ZNF385D: variants seen among roughly 807,000 people sequenced by gnomAD.
ZNF385D encodes zinc finger protein 659.
ZNF385D carries 15 observed loss-of-function variants against 35.8 expected under a neutral mutation model. That is an observed-to-expected ratio of 0.42 (90% CI 0.28 to 0.64). The LOEUF is 0.64. ZNF385D is among the 30% of genes least tolerant of loss of function. The probability of loss-of-function intolerance (pLI) is 0.23; values close to 1 mark genes in which losing one functional copy is unlikely to be tolerated. For missense variants in ZNF385D, 474 were observed against 494.6 expected (o/e 0.96, Z 0.39); for synonymous variants, 212 against 186.8 (o/e 1.13, Z -1.10).
At position 21,817,318 on chromosome 3, in the gene ZNF385D, G is replaced by C. The variant is rs2073195971; in HGVS notation, c.326-152290C>G. 2.0e-5 allele frequency among the ~76,000 whole-genome samples: 3 copies of C among 152,276 alleles called. No individual in the cohort carries two copies. In the South Asian group the frequency reaches 6.2e-4, roughly 32 times the overall value. On this transcript the variant is annotated intron_variant, in intron 3 of 5. Transcript: ENST00000494108. ...AACACCAAAAGCAATGGCAACAAAA[G>C]CCAAAATAGACAAATGGGATCTAAT...
chr3:21,889,343 G>T (rs1464783308), intron 3 of ZNF385D, among the ~76,000 whole-genome samples: 1 of 152,170 alleles, frequency 6.6e-6, no homozygotes, highest in South Asian at 2.1e-4. Context: ...GATGGGGGAG[G>T]TGAGGCGCCA....
At chr3:21,854,304 C>G (rs929766382) in intron 3 of ZNF385D, among the ~76,000 whole-genome samples, 4 of 152,076 alleles carry the variant, frequency 2.6e-5, no homozygotes, top group Admixed American at 6.6e-5. Context: ...CCCACCTCCA[C>G]TTATTTACAT....
At chr3:22,324,196 T>A (rs1301191817) in intron 2 of ZNF385D, among the ~76,000 whole-genome samples, 3 of 152,176 alleles carry the variant, frequency 2.0e-5, no homozygotes, top group African/African-American at 7.2e-5. Flanking sequence ...ATTTTGGTGC[T>A]CCTAATAGGA....
chr3:22,130,854 G>A (rs1192023975), intron 3 of ZNF385D, among the ~76,000 whole-genome samples: 2 of 152,012 alleles, frequency 1.3e-5, no homozygotes, highest in Non-Finnish European at 2.9e-5. Flanking sequence ...TTCCTTTGGG[G>A]GAACAATCAT....
intron 3 of ZNF385D, among the ~76,000 whole-genome samples, chr3:21,999,145 G>A (rs1241810771): frequency 6.6e-6 from 1 of 152,142 alleles, no homozygotes; most frequent in African/African-American, 2.4e-5. Context: ...TCACAGAACT[G>A]CAGCATTTCC....
chr3:21,642,467 C>T (rs1413662636), intron 2 of ZNF385D, among the ~76,000 whole-genome samples: 1 of 151,982 alleles, frequency 6.6e-6, no homozygotes, highest in Non-Finnish European at 1.5e-5. Context: ...CTCAGCTCTC[C>T]TTTTAGGCAA....
At chr3:22,038,534 T>G (rs1167049329) in intron 3 of ZNF385D, among the ~76,000 whole-genome samples, 2 of 152,168 alleles carry the variant, frequency 1.3e-5, no homozygotes, top group African/African-American at 2.4e-5. Context: ...GTTGTCATCA[T>G]TATCATTATA....
chr3:21,968,906 C>T (rs1365833821), intron 3 of ZNF385D, among the ~76,000 whole-genome samples: 3 of 152,154 alleles, frequency 2.0e-5, no homozygotes, highest in African/African-American at 7.2e-5. Flanking sequence ...GTGTGGAGTA[C>T]CAAGTGTTTA....
At chr3:21,839,649 G>C (rs1695541411) in intron 3 of ZNF385D, among the ~76,000 whole-genome samples, 1 of 151,938 alleles carries the variant, frequency 6.6e-6, no homozygotes, top group South Asian at 2.1e-4. Context: ...GATCTTTATG[G>C]GTCAGCTCTG....
At position 21,419,211 on chromosome 3, in the gene ZNF385D, A is replaced by C. The variant is rs1270174345; in HGVS notation, c.*2003T>G. The C allele has an allele frequency of 9.2e-5, 10 of 109,272 alleles. No individual in the cohort carries two copies. Among genetic ancestry groups the C allele is most frequent in the East Asian group, 2.6e-4 (1 of 3,896 alleles). 6.8% of individuals were successfully genotyped at this position (109,272 alleles called of 1,614,324 possible). On this transcript the variant is annotated 3_prime_UTR_variant, in exon 8 of 8. Transcript: ENST00000281523. ...CCTCCTTTCTTCCTTCCTTCCTTCCATTCTTCCTTCCTTCCTTCCTTCTTT... is the reference window on the plus strand; with the variant it reads ...CCTCCTTTCTTCCTTCCTTCCTTCCCTTCTTCCTTCCTTCCTTCCTTCTTT...
At chr3:22,075,196 G>A (rs1044223037) in intron 3 of ZNF385D, among the ~76,000 whole-genome samples, 8 of 151,804 alleles carry the variant, frequency 5.3e-5, no homozygotes, top group African/African-American at 1.9e-4. Context: ...ATGGGTAATA[G>A]CCTTTCTCCT....
At chr3:21,882,588 A>C (rs542376534) in intron 3 of ZNF385D, among the ~76,000 whole-genome samples, 1 of 152,110 alleles carries the variant, frequency 6.6e-6, no homozygotes, top group African/African-American at 2.4e-5. Flanking sequence ...ACTAACTCTG[A>C]GTCGTGCCTG....
At chr3:21,882,311 A>G (rs1698319676) in intron 3 of ZNF385D, among the ~76,000 whole-genome samples, 1 of 152,010 alleles carries the variant, frequency 6.6e-6, no homozygotes, top group Non-Finnish European at 1.5e-5. Flanking sequence ...TTCAGCCAGC[A>G]GGCATCAACA....
intron 2 of ZNF385D, among the ~76,000 whole-genome samples, chr3:22,303,422 G>C (rs1575077324): frequency 6.6e-6 from 1 of 152,124 alleles, no homozygotes; most frequent in Admixed American, 6.6e-5. Flanking sequence ...TAGCCATCAG[G>C]AACCTGCTTG....
At chr3:21,624,385 AT>A (rs1177685545) in intron 2 of ZNF385D, among the ~76,000 whole-genome samples, 2 of 152,076 alleles carry the variant, frequency 1.3e-5, no homozygotes, top group East Asian at 1.9e-4. Flanking sequence ...GAAGGAAGTA[AT>A]TTTTTTCCCC....
At chr3:22,208,184 ATC>A (rs1327087404) in intron 2 of ZNF385D, among the ~76,000 whole-genome samples, 1 of 151,974 alleles carries the variant, frequency 6.6e-6, no homozygotes, top group Non-Finnish European at 1.5e-5. Context: ...TTTGAAAACA[ATC>A]TAAGTGTCCA....
At chr3:22,125,882 G>A (rs141901588) in intron 3 of ZNF385D, among the ~76,000 whole-genome samples, 136 of 152,032 alleles carry the variant, frequency 8.9e-4, no homozygotes, top group African/African-American at 2.8e-3. Context: ...TGACTTCTTC[G>A]TTTACAACCT....
At chr3:21,883,223 A>G (rs890877168) in intron 3 of ZNF385D, among the ~76,000 whole-genome samples, 1 of 151,942 alleles carries the variant, frequency 6.6e-6, no homozygotes, top group Non-Finnish European at 1.5e-5. Flanking sequence ...TTATGTGATT[A>G]TTTGATCTGT....
chr3:21,660,349 C>A (rs992570825), intron 2 of ZNF385D, among the ~76,000 whole-genome samples: 1 of 152,122 alleles, frequency 6.6e-6, no homozygotes, highest in Non-Finnish European at 1.5e-5. Flanking sequence ...CTTCCTTGTG[C>A]ATATCCTAGA....
Sources: gnomAD v4.1 joint callset for allele counts (sites outside exome capture counted in the v4.1 genomes callset) on GRCh38, gnomAD v4.1.1 for gene constraint, MANE v1.5 for transcripts, NCBI Gene and HGNC (gene_info 2026-07-23, HGNC 2026-07-21) for gene names.